The following TMEM108 variants were observed in gnomAD, a reference collection of about 807,000 sequenced individuals.
The protein encoded by TMEM108 is cancer/testis antigen 124.
A neutral mutation model predicts 35.1 loss-of-function variants in TMEM108; 12 were observed. That is an observed-to-expected ratio of 0.34 (90% CI 0.22 to 0.55). The LOEUF is 0.55. Among genes scored for constraint, TMEM108 ranks in the 20% least tolerant of loss-of-function variants. The pLI, the probability that TMEM108 is intolerant of heterozygous loss-of-function variation, is 0.89. For missense variants in TMEM108, 680 were observed against 753.3 expected, an observed-to-expected ratio of 0.90 and a Z score of 1.14; for synonymous variants, 287 against 308.6, an observed-to-expected ratio of 0.93 and a Z score of 0.73.
intron 1 of TMEM108, among the ~76,000 whole-genome samples, 192 bp from the exon 2 acceptor site, chr3:133,045,710 C>T (rs984249133): frequency 1.3e-5 from 2 of 152,192 alleles, no homozygotes; most frequent in Non-Finnish European, 2.9e-5. Flanking sequence ...TGGATCACTG[C>T]ATTAGGTCCA....
At chr3:133,057,459 A>ATC (rs1165955476) in intron 2 of TMEM108, among the ~76,000 whole-genome samples, 1 of 43,682 alleles carries the variant, frequency 2.3e-5, no homozygotes, top group African/African-American at 6.3e-5. Flanking sequence ...ATATATATAT[A>ATC]TATATATATA....
At chr3:133,225,472 C>T (rs191546869) in intron 2 of TMEM108, among the ~76,000 whole-genome samples, 1 of 152,106 alleles carries the variant, frequency 6.6e-6, no homozygotes, top group African/African-American at 2.4e-5. Context: ...CCCCCCTCCC[C>T]CAAAGAAGAA....
intron 2 of TMEM108, among the ~76,000 whole-genome samples, chr3:133,202,033 C>T (rs1421837541): frequency 1.3e-5 from 2 of 152,184 alleles, no homozygotes; most frequent in Admixed American, 1.3e-4. Flanking sequence ...TTTTGATTTG[C>T]ATTTCTCAAA....
At chr3:133,271,418 T>G (rs1360684504) in intron 3 of TMEM108, among the ~76,000 whole-genome samples, 3 of 152,260 alleles carry the variant, frequency 2.0e-5, no homozygotes, top group African/African-American at 7.2e-5. Flanking sequence ...GTCCACAAAC[T>G]TTCCTACTAC....
At chr3:133,250,155 G>A (rs1054552420) in intron 3 of TMEM108, among the ~76,000 whole-genome samples, 1 of 152,136 alleles carries the variant, frequency 6.6e-6, no homozygotes, top group African/African-American at 2.4e-5. Context: ...GACTATGCTA[G>A]GAAATAGACT....
At chr3:133,114,799 C>T (rs1450105415) in intron 2 of TMEM108, among the ~76,000 whole-genome samples, 1 of 152,000 alleles carries the variant, frequency 6.6e-6, no homozygotes, top group African/African-American at 2.4e-5. Flanking sequence ...GTATGGAGGC[C>T]CATTTTCCAA....
chr3:133,180,171 C>T (rs76573867), intron 2 of TMEM108, among the ~76,000 whole-genome samples: 2,456 of 152,178 alleles, frequency 0.016, 70 homozygotes, highest in African/African-American at 0.055. Flanking sequence ...ATTCTAGCTT[C>T]ATTCTATCTA....
chr3:133,137,332 C>T (rs1329811031), intron 2 of TMEM108, among the ~76,000 whole-genome samples: 1 of 152,210 alleles, frequency 6.6e-6, no homozygotes, highest in Non-Finnish European at 1.5e-5. Flanking sequence ...CTATACCACG[C>T]TGCCGTCAGT....
chr3:133,152,075 C>T (rs937892235), intron 2 of TMEM108, among the ~76,000 whole-genome samples: 2 of 152,114 alleles, frequency 1.3e-5, no homozygotes, highest in African/African-American at 4.8e-5. Flanking sequence ...GACTCAACTC[C>T]ATGAATGAGC....
intron 2 of TMEM108, among the ~76,000 whole-genome samples, chr3:133,134,533 A>G (rs73007487): frequency 0.056 from 8,542 of 151,652 alleles, 813 homozygotes; most frequent in African/African-American, 0.2. Context: ...TTCCTGAGTA[A>G]TAGGGGTGCT....
intron 2 of TMEM108, among the ~76,000 whole-genome samples, chr3:133,048,909 C>T (rs1451497244): frequency 6.6e-6 from 1 of 152,156 alleles, no homozygotes; most frequent in East Asian, 1.9e-4. Context: ...TCTAGTACTA[C>T]TCAAAGTGTG....
chr3:133,131,112 T>G (rs1269489577), intron 2 of TMEM108, among the ~76,000 whole-genome samples: 1 of 152,186 alleles, frequency 6.6e-6, no homozygotes, highest in Non-Finnish European at 1.5e-5. Context: ...GCTGAATATT[T>G]ATGTAAACAG....
At chr3:133,320,268 A>G (rs544109019) in intron 3 of TMEM108, among the ~76,000 whole-genome samples, 2 of 152,308 alleles carry the variant, frequency 1.3e-5, no homozygotes, top group South Asian at 4.1e-4. Context: ...AACTTAAAGA[A>G]ATTAAAAAAT....
At chr3:133,354,609 G>T (rs1464108885) in intron 3 of TMEM108, among the ~76,000 whole-genome samples, 1 of 152,134 alleles carries the variant, frequency 6.6e-6, no homozygotes, top group Non-Finnish European at 1.5e-5. Context: ...TTGAGCAGGA[G>T]AAGGACACAA....
intron 2 of TMEM108, among the ~76,000 whole-genome samples, chr3:133,225,996 T>C (rs1021652614): frequency 6.6e-6 from 1 of 152,232 alleles, no homozygotes; most frequent in Non-Finnish European, 1.5e-5. Context: ...ATAAGTTTTA[T>C]AAGACATCAG....
chr3:133,272,624 G>T lies in TMEM108; in HGVS notation c.40+43273G>T, dbSNP rs140490982. On this transcript the variant is annotated intron_variant, in intron 3 of 5. Transcript: ENST00000321871. ...GGGCACACATCTGTCAGCATAGTGGGATGACTAGGAGCAAGCATTACACTA... is the reference window on the plus strand; with the variant it reads ...GGGCACACATCTGTCAGCATAGTGGTATGACTAGGAGCAAGCATTACACTA... Among the ~76,000 whole-genome samples, 386 of 152,272 alleles carry T rather than the reference G, an allele frequency of 2.5e-3. 1 individual carries two copies. Among genetic ancestry groups the T allele is most frequent in the African/African-American group, 8.8e-3 (366 of 41,550 alleles).
chr3:133,056,360 CAGAT>C (rs1430595344), intron 2 of TMEM108, among the ~76,000 whole-genome samples: 14 of 152,232 alleles, frequency 9.2e-5, no homozygotes, highest in African/African-American at 2.9e-4. Flanking sequence ...GTCCTGTGGC[CAGAT>C]AGATCTGCAT....
chr3:133,280,935 G>C (rs536608357), intron 3 of TMEM108, among the ~76,000 whole-genome samples: 37 of 152,196 alleles, frequency 2.4e-4, no homozygotes, highest in Non-Finnish European at 5.4e-4. Context: ...AAATATATGA[G>C]ACTTCTTGAG....
intron 3 of TMEM108, among the ~76,000 whole-genome samples, chr3:133,294,969 G>C (rs1947122484): frequency 6.6e-6 from 1 of 152,184 alleles, no homozygotes; most frequent in Non-Finnish European, 1.5e-5. Context: ...TTACAGTGGA[G>C]AAAAGTACTT....
Sources: gnomAD v4.1 joint callset for allele counts (sites outside exome capture counted in the v4.1 genomes callset) on GRCh38, gnomAD v4.1.1 for gene constraint, MANE v1.5 for transcripts, NCBI Gene and HGNC (gene_info 2026-07-23, HGNC 2026-07-21) for gene names.